SAMMSON: variants seen among roughly 807,000 people sequenced by gnomAD.
The protein encoded by SAMMSON is survival associated mitochondrial melanoma specific oncogenic non-coding RNA.
intron 4 of SAMMSON, among the ~76,000 whole-genome samples, chr3:70,194,335 A>G (rs1417056149): frequency 6.6e-6 from 1 of 152,218 alleles, no homozygotes; most frequent in Non-Finnish European, 1.5e-5. Flanking sequence ...TCATCATTGC[A>G]GAAAATATCT....
intron 2 of SAMMSON, among the ~76,000 whole-genome samples, chr3:70,396,786 T>C (rs1342642832): frequency 6.6e-6 from 1 of 152,172 alleles, no homozygotes; most frequent in African/African-American, 2.4e-5. Flanking sequence ...TATTTTTTTC[T>C]TACAAGGAGC....
intron 8 of SAMMSON, among the ~76,000 whole-genome samples, chr3:70,357,611 C>A (rs1433554435): frequency 6.6e-6 from 1 of 151,924 alleles, no homozygotes; most frequent in Non-Finnish European, 1.5e-5. Context: ...GGGGAGGAAA[C>A]TTAGAAGATG....
chr3:70,031,506 G>T (rs1334964131), intron 3 of SAMMSON, among the ~76,000 whole-genome samples: 2 of 152,130 alleles, frequency 1.3e-5, no homozygotes, highest in African/African-American at 4.8e-5. Flanking sequence ...CCACTGAATT[G>T]TACACTTACA....
At chr3:70,171,563 TG>T (rs929535270) in intron 4 of SAMMSON, among the ~76,000 whole-genome samples, 38 of 151,828 alleles carry the variant, frequency 2.5e-4, no homozygotes, top group African/African-American at 7.0e-4. Flanking sequence ...GAAATAATTT[TG>T]AAAATGCATG....
intron 2 of SAMMSON, among the ~76,000 whole-genome samples, chr3:70,408,902 T>A (rs963575056): frequency 3.9e-5 from 6 of 152,182 alleles, no homozygotes; most frequent in African/African-American, 1.4e-4. Context: ...GGGCTTACAA[T>A]TCCACCTGGC....
chr3:70,105,920 A>G (rs2067365733), intron 4 of SAMMSON, among the ~76,000 whole-genome samples: 1 of 152,102 alleles, frequency 6.6e-6, no homozygotes, highest in Admixed American at 6.6e-5. Flanking sequence ...TGTCATGTTG[A>G]TATTTAGTGT....
At chr3:70,295,548 TAAAA>T (rs960827526) in intron 7 of SAMMSON, among the ~76,000 whole-genome samples, 2 of 151,930 alleles carry the variant, frequency 1.3e-5, no homozygotes, top group African/African-American at 4.8e-5. Flanking sequence ...ACAAAAAAGT[TAAAA>T]ATGAGCCAGG....
At chr3:70,289,289 T>A (rs1490563262) in intron 6 of SAMMSON, among the ~76,000 whole-genome samples, 6 of 149,944 alleles carry the variant, frequency 4.0e-5, no homozygotes, top group African/African-American at 7.3e-5. Context: ...TGCTTGTCTG[T>A]AAAGTATTTT....
At chr3:70,288,061 A>T (rs2106689278) in intron 6 of SAMMSON, among the ~76,000 whole-genome samples, 1 of 148,860 alleles carries the variant, frequency 6.7e-6, no homozygotes, top group East Asian at 2.0e-4. Context: ...TATTTCCTTC[A>T]GTTCTGCTCT....
chr3:70,065,116 C>T (rs1399939675), intron 3 of SAMMSON: 2 of 152,044 alleles, frequency 1.3e-5, no homozygotes, highest in Non-Finnish European at 2.9e-5. Context: ...GTGTATCATA[C>T]ACTTGTTCCA....
chr3:70,067,607 T>C (rs1344448190), intron 3 of SAMMSON, among the ~76,000 whole-genome samples: 1 of 152,040 alleles, frequency 6.6e-6, no homozygotes, highest in Admixed American at 6.6e-5. Flanking sequence ...TTCAGGGAAA[T>C]GAGGAAGATG....
At chr3:70,426,307 C>T (rs984757121) in intron 2 of SAMMSON, among the ~76,000 whole-genome samples, 1 of 152,150 alleles carries the variant, frequency 6.6e-6, no homozygotes, top group Admixed American at 6.5e-5. Flanking sequence ...TCCTTAAACT[C>T]AACAGAGCAT....
chr3:70,358,656 A>T (rs754892733), intron 9 of SAMMSON, among the ~76,000 whole-genome samples: 4 of 152,140 alleles, frequency 2.6e-5, no homozygotes, highest in Non-Finnish European at 4.4e-5. Context: ...TCTCCTAAAT[A>T]GGGGTAGAAA....
intron 2 of SAMMSON, among the ~76,000 whole-genome samples, chr3:70,426,865 G>T (rs1324645535): frequency 6.6e-6 from 1 of 152,202 alleles, no homozygotes; most frequent in Non-Finnish European, 1.5e-5. Context: ...GGATCATACA[G>T]AAGCGTGCTC....
intron 6 of SAMMSON, among the ~76,000 whole-genome samples, chr3:70,286,699 T>C (rs149766177): frequency 0.37 from 56,396 of 151,600 alleles, 10,945 homozygotes; most frequent in East Asian, 0.62. Context: ...GAGCATGGAA[T>C]GTTCTTCCAT....
chr3:70,255,925 A>C (rs781275087), intron 6 of SAMMSON, among the ~76,000 whole-genome samples: 1 of 152,180 alleles, frequency 6.6e-6, no homozygotes, highest in Non-Finnish European at 1.5e-5. Context: ...AAAAATTCTA[A>C]TTACAGGGAG....
At chr3:70,048,970 G>A (rs1249214884) in intron 3 of SAMMSON, among the ~76,000 whole-genome samples, 1 of 152,112 alleles carries the variant, frequency 6.6e-6, no homozygotes, top group Non-Finnish European at 1.5e-5. Context: ...AAATTGCATG[G>A]TGTAGGATGG....
intron 6 of SAMMSON, among the ~76,000 whole-genome samples, chr3:70,289,939 G>A (rs1429404570): frequency 6.6e-6 from 1 of 151,880 alleles, no homozygotes; most frequent in Non-Finnish European, 1.5e-5. Flanking sequence ...CTCTCTATTG[G>A]TTATTCTAGT....
chr3:70,319,754 C>T (rs545768696), intron 7 of SAMMSON, among the ~76,000 whole-genome samples: 3 of 151,982 alleles, frequency 2.0e-5, no homozygotes, highest in Non-Finnish European at 4.4e-5. Flanking sequence ...CTAACCATCC[C>T]ATTAAATTAA....
Sources: gnomAD v4.1 joint callset for allele counts (sites outside exome capture counted in the v4.1 genomes callset) on GRCh38, gnomAD v4.1.1 for gene constraint, MANE v1.5 for transcripts, NCBI Gene and HGNC (gene_info 2026-07-23, HGNC 2026-07-21) for gene names.